Variants in TBC1D32 observed in about 807,000 individuals in gnomAD.
The protein encoded by TBC1D32 is TBC1 domain family member 32, also known as protein broad-minded.
TBC1D32 carries 151 observed loss-of-function variants against 170.3 expected under a neutral mutation model. That is an observed-to-expected ratio of 0.89 (90% CI 0.78 to 1.01). TBC1D32 has a LOEUF of 1.01. Among genes scored for constraint, TBC1D32 ranks in the 50% least tolerant of loss-of-function variants. The pLI is 0.00. For synonymous variants in TBC1D32, 498 were observed against 488.0 expected (o/e 1.02, Z -0.27); for missense variants, 1,464 against 1,457.1 (o/e 1.00, Z -0.08).
At chr6:121,183,823 G>C (rs1788839932) in intron 22 of TBC1D32, among the ~76,000 whole-genome samples, 1 of 151,994 alleles carries the variant, frequency 6.6e-6, no homozygotes, top group Non-Finnish European at 1.5e-5. Context: ...TTCTCCAACA[G>C]TCTTCTCACA....
At chr6:121,226,830 G>A (rs1400261977) in intron 20 of TBC1D32, among the ~76,000 whole-genome samples, 2 of 151,896 alleles carry the variant, frequency 1.3e-5, no homozygotes, top group Non-Finnish European at 2.9e-5. Context: ...ACTTACTTTT[G>A]GCCAAATGCT....
chr6:121,212,682 G>C (rs1294542637), intron 21 of TBC1D32, among the ~76,000 whole-genome samples: 1 of 151,894 alleles, frequency 6.6e-6, no homozygotes, highest in East Asian at 1.9e-4. Context: ...TCAAACTCCT[G>C]ACCTCAGACC....
intron 15 of TBC1D32, among the ~76,000 whole-genome samples, chr6:121,272,778 T>C (rs1007779167): frequency 6.6e-6 from 1 of 152,218 alleles, no homozygotes; most frequent in Non-Finnish European, 1.5e-5. Context: ...CAAAGGATTA[T>C]AAATCATGCT....
intron 28 of TBC1D32, 23 bp from the exon 29 acceptor site, chr6:121,112,682 CTT>C: frequency 6.6e-7 from 1 of 1,522,404 alleles, no homozygotes; most frequent in Non-Finnish European, 8.8e-7. Flanking sequence ...GTTAAGAAAA[CTT>C]TACAATATTT....
intron 26 of TBC1D32, among the ~76,000 whole-genome samples, chr6:121,123,548 A>G (rs1235970918): frequency 6.6e-6 from 1 of 152,062 alleles, no homozygotes; most frequent in Non-Finnish European, 1.5e-5. Context: ...ATATAAGTAT[A>G]GTTACTCCTA....
chr6:121,197,650 G>GT, intron 22 of TBC1D32, among the ~76,000 whole-genome samples: 1 of 152,174 alleles, frequency 6.6e-6, no homozygotes, highest in East Asian at 1.9e-4. Flanking sequence ...GTTTCTGAGT[G>GT]TAAGAAGGAT....
At chr6:121,312,931 A>G (rs949199137) in intron 3 of TBC1D32, among the ~76,000 whole-genome samples, 4 of 152,052 alleles carry the variant, frequency 2.6e-5, no homozygotes, top group Non-Finnish European at 5.9e-5. Context: ...CTTTCAATAA[A>G]CTATCTCCTC....
At chr6:121,117,232 G>A (rs17083190) in intron 26 of TBC1D32, among the ~76,000 whole-genome samples, 29,072 of 152,050 alleles carry the variant, frequency 0.19, 3,857 homozygotes, top group African/African-American at 0.36. Flanking sequence ...AATATATGGA[G>A]GTGTTGGCAT....
At chr6:121,318,858 T>C (rs979807155) in intron 2 of TBC1D32, among the ~76,000 whole-genome samples, 3 of 151,160 alleles carry the variant, frequency 2.0e-5, no homozygotes, top group Non-Finnish European at 4.4e-5. Flanking sequence ...TGCACAGAAA[T>C]GTCCTTTTCT....
chr6:121,104,590 ACAC>A (rs1778495624), intron 30 of TBC1D32, among the ~76,000 whole-genome samples: 1 of 151,752 alleles, frequency 6.6e-6, no homozygotes, highest in Non-Finnish European at 1.5e-5. Context: ...AAGTAAGTTG[ACAC>A]AAGTCTAGAA....
At chr6:121,123,774 T>C (rs911623074) in intron 26 of TBC1D32, among the ~76,000 whole-genome samples, 1 of 151,972 alleles carries the variant, frequency 6.6e-6, no homozygotes, top group Non-Finnish European at 1.5e-5. Context: ...TGTTTACTAG[T>C]TATTGTGTGA....
intron 17 of TBC1D32, among the ~76,000 whole-genome samples, chr6:121,244,116 A>C (rs1011658359): frequency 2.6e-5 from 4 of 152,018 alleles, no homozygotes; most frequent in African/African-American, 9.7e-5. Flanking sequence ...AATACTAAGA[A>C]TCCAAAAAGG....
intron 15 of TBC1D32, among the ~76,000 whole-genome samples, chr6:121,261,219 G>T (rs1044618631): frequency 1.3e-5 from 2 of 152,210 alleles, no homozygotes; most frequent in Non-Finnish European, 2.9e-5. Flanking sequence ...TAGCTCTGAG[G>T]AATCTGGGCA....
At chr6:121,125,330 G>A (rs1780705775) in intron 26 of TBC1D32, among the ~76,000 whole-genome samples, 1 of 152,166 alleles carries the variant, frequency 6.6e-6, no homozygotes, top group Non-Finnish European at 1.5e-5. Flanking sequence ...GATCCAAAGA[G>A]AGCACTGGAG....
Position 121,321,763 on chromosome 6 carries a change from T to C in TBC1D32, c.187A>G (p.Ile63Val), listed in dbSNP as rs1809753982. 6.2e-7 allele frequency: 1 copy of C among 1,613,594 alleles called. No homozygotes were observed. Among genetic ancestry groups the C allele is most frequent in the Non-Finnish European group, 8.5e-7 (1 of 1,179,832 alleles). ...ATCATAGAACCCAAAGTGTTGCCTA[T>C]ATGCTGCCTGAGGTATTTCACAAAT... ...YEFVKYLRQH[I>V]GNTLGSMIEE... Residue 63 changes from isoleucine (I) to valine (V), a missense_variant, in exon 2 of 32, where the codon ATA becomes GTA. Ile to Val is a conservative substitution (Grantham distance 29, BLOSUM62 3). Transcript: ENST00000398212.
At chr6:121,317,701 GA>G in intron 2 of TBC1D32, 29 bp from the exon 3 acceptor site, 1 of 1,474,836 alleles carries the variant, frequency 6.8e-7, no homozygotes, top group Non-Finnish European at 9.1e-7. Context: ...CTTAATAAGA[GA>G]AAGACGATCA....
intron 17 of TBC1D32, among the ~76,000 whole-genome samples, chr6:121,249,246 G>T (rs1480783999): frequency 2.0e-5 from 3 of 151,120 alleles, no homozygotes; most frequent in Non-Finnish European, 4.4e-5. Context: ...AACAAAAAAA[G>T]CATGTGATAA....
At chr6:121,172,481 C>T (rs1455080623) in intron 22 of TBC1D32, among the ~76,000 whole-genome samples, 10 of 152,126 alleles carry the variant, frequency 6.6e-5, no homozygotes. Flanking sequence ...GAAAATACAA[C>T]AGCCAAATCT....
In TBC1D32 at chr6:121,161,048, A is replaced by T; in HGVS notation, c.2579T>A (p.Ile860Lys). The change falls in exon 23 of 32, where the codon ATA becomes AAA. Residue 860 changes from isoleucine (I) to lysine (K), a missense_variant. Ile to Lys is a moderately radical substitution (Grantham distance 102). Coordinates refer to ENST00000398212, the MANE Select transcript of TBC1D32 (RefSeq NM_152730.6). ...QSHIFGLRDF[I>K]IDGLSVERNH... The stretch of plus-strand genomic sequence containing the variant: ...TCTCTCCACTGATAAGCCATCAATT[A>T]TAAAGTCCCTGAAAAAATAAATATA... 1 of 1,609,526 alleles carries T rather than the reference A, an allele frequency of 6.2e-7. No homozygotes were observed. Among genetic ancestry groups the T allele is most frequent in the Non-Finnish European group, 8.5e-7 (1 of 1,177,546 alleles).
Sources: allele counts gnomAD v4.1 joint callset (sites outside exome capture counted in the v4.1 genomes callset), GRCh38; gene constraint gnomAD v4.1.1; transcripts MANE v1.5; gene names NCBI Gene and HGNC (gene_info 2026-07-23, HGNC 2026-07-21).